The following SAMD4B variants were observed in gnomAD, a reference collection of about 807,000 sequenced individuals.
SAMD4B encodes the protein sterile alpha motif domain containing 4B, also known as protein Smaug homolog 2.
SAMD4B carries 5 observed loss-of-function variants against 74.5 expected under a neutral mutation model. That is an observed-to-expected ratio of 0.07 (90% confidence interval 0.04 to 0.14). The LOEUF is 0.14. Among genes scored for constraint, SAMD4B ranks in the 10% least tolerant of loss-of-function variants. The pLI is 1.00. For synonymous variants in SAMD4B, 373 were observed against 374.9 expected (o/e 1.00, Z 0.06); for missense variants, 608 against 921.8 (o/e 0.66, Z 4.41).
At chr19:39,345,645 T>C (rs2075652173) in intron 1 of SAMD4B, among the ~76,000 whole-genome samples, 1 of 152,178 alleles carries the variant, frequency 6.6e-6, no homozygotes, top group African/African-American at 2.4e-5. Flanking sequence ...TTTAATGTAC[T>C]TGTCCACTCA....
At chr19:39,390,346 GA>G, downstream of SAMD4B, 6 of 1,526,108 alleles carry the variant, frequency 3.9e-6, no homozygotes, top group Non-Finnish European at 5.4e-6. Context: ...ACAGGAGAAT[GA>G]AAAAGGCTTC....
intron 1 of SAMD4B, among the ~76,000 whole-genome samples, chr19:39,343,998 C>G (rs1056728009): frequency 8.4e-6 from 1 of 119,420 alleles, no homozygotes; most frequent in Non-Finnish European, 1.8e-5. Flanking sequence ...CCCCCCCACA[C>G]ACACACACAG....
rs955415821 is a variant in SAMD4B at position 39,383,838 on chromosome 19, C to T, written c.*311C>T. The T allele has an allele frequency of 2.2e-6, 2 of 905,458 alleles. No individual in the cohort carries two copies. The highest frequency in any genetic ancestry group is 3.3e-6 in the Non-Finnish European group (2 of 600,192). The allele number at this position is 905,458 out of a possible 1,614,324, so 56.1% of individuals were successfully genotyped here. A position where few individuals can be genotyped will look rare whatever the true frequency, so the allele number is the denominator to read the frequency against. On this transcript the variant is annotated 3_prime_UTR_variant, in exon 14 of 14. Transcript: ENST00000610417. This position sits in a 1 kb window ranked among gnomAD's most constrained non-coding sequence, Gnocchi z 4.1. ...CCACCTGGTCCCATCCCACCCCTGC[C>T]TCCTCCAGACCGCTGACCACCTGCC...
chr19:39,367,660 C>T (rs1232589360), intron 3 of SAMD4B, among the ~76,000 whole-genome samples: 1 of 151,732 alleles, frequency 6.6e-6, no homozygotes, highest in Non-Finnish European at 1.5e-5. Context: ...AGGCATCCAC[C>T]ACCATGCCCG....
At chr19:39,371,879 C>T (rs886386216) in intron 4 of SAMD4B, among the ~76,000 whole-genome samples, 63 of 151,856 alleles carry the variant, frequency 4.1e-4, no homozygotes, top group African/African-American at 1.2e-3. Flanking sequence ...ATTCTAAGAA[C>T]TTTATACATA....
chr19:39,387,078 G>A (rs763556833), downstream of SAMD4B: 1 of 532,536 alleles, frequency 1.9e-6, no homozygotes, highest in Non-Finnish European at 3.5e-6. Context: ...CCATTTAACA[G>A]GGACACATTC....
intron 1 of SAMD4B, among the ~76,000 whole-genome samples, chr19:39,348,958 T>C (rs771749010): frequency 6.6e-6 from 1 of 152,228 alleles, no homozygotes; most frequent in Non-Finnish European, 1.5e-5. Flanking sequence ...GGCACTATTA[T>C]TATTTTCTGT....
In SAMD4B at chr19:39,379,632, G is replaced by A. The variant is rs1215747519; in HGVS notation, c.1531-334G>A. Among the ~76,000 whole-genome samples, 10 of 152,048 alleles carry A rather than the reference G, an allele frequency of 6.6e-5. No individual in the cohort carries two copies. In the South Asian group the frequency reaches 1.7e-3, roughly 25 times the overall value. ...GTTGCCCAGGCTGGAGTGCAATGGC[G>A]CAGTCTCGGCTCACTGCAACCTCCG... On this transcript the variant is annotated intron_variant, in intron 9 of 13. Coordinates refer to ENST00000610417, the MANE Select transcript of SAMD4B (RefSeq NM_001384574.2).
At chr19:39,389,429 T>C (rs1480192969), downstream of SAMD4B, 1 of 1,607,444 alleles carries the variant, frequency 6.2e-7, no homozygotes, top group Non-Finnish European at 8.5e-7. This position sits in a 1 kb window ranked among gnomAD's most constrained non-coding sequence, Gnocchi z 5.3. Flanking sequence ...GCCCTCCTGC[T>C]TGTAGGGCCC....
chr19:39,387,557 G>C (rs1600608114), downstream of SAMD4B, among the ~76,000 whole-genome samples: 1 of 152,134 alleles, frequency 6.6e-6, no homozygotes, highest in East Asian at 1.9e-4. Context: ...TACATTTCCT[G>C]CCTGGCCTAT....
At position 39,370,081 on chromosome 19, in the gene SAMD4B, C is replaced by T; in HGVS notation, c.623C>T (p.Ser208Leu). Residue 208 changes from serine (S) to leucine (L), a missense_variant, in exon 4 of 14, where the codon TCA (serine) becomes TTA (leucine). Ser to Leu is a moderately radical substitution (Grantham distance 145, BLOSUM62 -2). This residue lies in a region of SAMD4B where 153 missense variants were observed against 153.0 expected (regional missense o/e 1.00). Transcript: ENST00000610417. ...CACGTGCCCTTCCACCCATCCAGCT[C>T]AGTGCCGCCAGCCATCAACAGTATT... ...NGHVPFHPSS[S>L]VPPAINSIGS... 3 of 1,607,430 alleles carry T rather than the reference C, an allele frequency of 1.9e-6. No homozygotes were observed. The highest frequency in any genetic ancestry group is 2.5e-6 in the Non-Finnish European group (3 of 1,176,980).
In SAMD4B at chr19:39,376,685, C is replaced by T; in HGVS notation, c.1018-20C>T. On this transcript the variant is annotated intron_variant, in intron 6 of 13. Coordinates refer to ENST00000610417, the MANE Select transcript of SAMD4B (RefSeq NM_001384574.2). ...AGCCTCACATCTCTAGCTTCCTGTC[C>T]CCTTCTGCCCTTATCACAGAACGTC... 1 of 1,611,600 alleles carries T rather than the reference C, an allele frequency of 6.2e-7. No individual in the cohort carries two copies. Among genetic ancestry groups the T allele is most frequent in the Non-Finnish European group, 8.5e-7 (1 of 1,177,872 alleles).
intron 7 of SAMD4B, 66 bp downstream of exon 7, chr19:39,376,857 C>G (rs1213216679): frequency 7.0e-7 from 1 of 1,424,906 alleles, no homozygotes; most frequent in Non-Finnish European, 9.9e-7. Context: ...AGACCAAAGG[C>G]CCTGAGTTGG....
At chr19:39,389,776 A>T, downstream of SAMD4B, 1 of 1,613,894 alleles carries the variant, frequency 6.2e-7, no homozygotes, top group African/African-American at 1.3e-5. The surrounding 1 kb of genome is among the most constrained non-coding windows in gnomAD (Gnocchi z 5.3). Context: ...GTGGGGAAAC[A>T]CCTATTGTGG....
downstream of SAMD4B, chr19:39,389,314 A>G (rs2078321294): frequency 6.2e-7 from 1 of 1,614,094 alleles, no homozygotes; most frequent in Non-Finnish European, 8.5e-7. The surrounding 1 kb of genome is among the most constrained non-coding windows in gnomAD (Gnocchi z 5.3). Flanking sequence ...AGATGCCATA[A>G]CGGTTGAACT....
chr19:39,376,567 A>C (rs764491697), intron 6 of SAMD4B, 21 bp downstream of exon 6: 2 of 1,604,428 alleles, frequency 1.2e-6, no homozygotes, highest in South Asian at 1.1e-5. Context: ...GGGGACCATC[A>C]GGGAGGTGCT....
chr19:39,343,039 C>T (rs541552219), intron 1 of SAMD4B, among the ~76,000 whole-genome samples: 34 of 152,172 alleles, frequency 2.2e-4, no homozygotes, highest in African/African-American at 7.9e-4. Flanking sequence ...CCCCGTCCTC[C>T]TCCTGTCTCC....
chr19:39,385,278 G>C lies in SAMD4B; in HGVS notation c.*1751G>C. 2.9e-6 allele frequency: 1 copy of C among 350,480 alleles called. No individual in the cohort carries two copies. Among genetic ancestry groups the C allele is most frequent in the Non-Finnish European group, 5.1e-6 (1 of 196,158 alleles). 21.7% of individuals were successfully genotyped at this position (350,480 alleles called of 1,614,324 possible). On this transcript the variant is annotated 3_prime_UTR_variant, in exon 14 of 14. Coordinates refer to ENST00000610417, the MANE Select transcript of SAMD4B (RefSeq NM_001384574.2). ...TGGGATGGATGGGCCACCTCGTTTG[G>C]AATCAGCAGGGTGTCCCTCTCATGG... is the stretch of plus-strand genomic sequence containing the variant.
chr19:39,390,759 T>A, the SAMD4B span: 3 of 1,522,592 alleles, frequency 2.0e-6, no homozygotes, highest in Non-Finnish European at 2.7e-6. Context: ...GTGACGTTGT[T>A]CAGCAGAAAC....
Sources: allele counts gnomAD v4.1 joint callset (sites outside exome capture counted in the v4.1 genomes callset), GRCh38; gene constraint gnomAD v4.1.1; regional missense constraint gnomAD v4.1.1; non-coding constraint Gnocchi (gnomAD v3.1); transcripts MANE v1.5; gene names NCBI Gene and HGNC (gene_info 2026-07-23, HGNC 2026-07-21).